Variants in SLC36A3 observed in about 807,000 individuals in gnomAD.
SLC36A3 encodes the protein solute carrier family 36 member 3.
Under a neutral mutation model 44.3 loss-of-function variants are expected in SLC36A3, and 35 were observed. The ratio of observed to expected loss-of-function variants is 0.79; its 90% CI spans 0.60 to 1.05. The LOEUF is 1.05. Among genes scored for constraint, SLC36A3 ranks in the 50% least tolerant of loss-of-function variants. The pLI, the probability that SLC36A3 is intolerant of heterozygous loss-of-function variation, is 0.00. For synonymous variants in SLC36A3, 211 were observed against 227.6 expected, an observed-to-expected ratio of 0.93 and a Z score of 0.66; for missense variants, 540 against 578.7, an observed-to-expected ratio of 0.93 and a Z score of 0.69.
intron 8 of SLC36A3, among the ~76,000 whole-genome samples, chr5:151,283,321 G>A (rs1754398484): frequency 1.3e-5 from 2 of 152,016 alleles, no homozygotes; most frequent in Admixed American, 1.3e-4. Context: ...AGGGATATTT[G>A]TTTAAGGCTT....
chr5:151,289,082 C>T (rs902363144), intron 4 of SLC36A3: 1 of 153,194 alleles, frequency 6.5e-6, no homozygotes, highest in South Asian at 2.1e-4. Context: ...AAGAAAAAGT[C>T]AATTGTAGGT....
rs373671 is a variant in SLC36A3 at position 151,287,634 on chromosome 5, A to T, written c.490-170T>A. Among the ~76,000 whole-genome samples, 3 of 152,186 alleles carry T rather than the reference A, an allele frequency of 2.0e-5. No homozygotes were observed. The East Asian group carries it at 5.8e-4, about 29-fold the overall frequency. ...ATCACTACTTATCTGAAATTCTATC[A>T]TAACTGGGTATCATATATTATTATT... On this transcript the variant is annotated intron_variant, in intron 5 of 9. Coordinates refer to ENST00000335230, the MANE Select transcript of SLC36A3 (RefSeq NM_181774.4).
chr5:151,299,264 C>CTCTCTCTATATA (rs1372309288), intron 1 of SLC36A3, among the ~76,000 whole-genome samples: 79 of 59,640 alleles, frequency 1.3e-3, no homozygotes, highest in Middle Eastern at 0.01. Flanking sequence ...CTCTCTCTCT[C>CTCTCTCTATATA]TATATATATA....
At chr5:151,301,965 T>C (rs1201706803) in intron 1 of SLC36A3, among the ~76,000 whole-genome samples, 1 of 152,240 alleles carries the variant, frequency 6.6e-6, no homozygotes, top group Non-Finnish European at 1.5e-5. Context: ...GGTATATTTA[T>C]TTATATTTCA....
In SLC36A3 at chr5:151,288,739, G is replaced by A. The variant is rs559384552; in HGVS notation, c.405-269C>T. On this transcript the variant is annotated intron_variant, in intron 4 of 9. Coordinates refer to ENST00000335230, the MANE Select transcript of SLC36A3 (RefSeq NM_181774.4). ...AATATATATGTATATATAGACGAAT[G>A]AATATTCGTCTATACACACACACAC... Among the ~76,000 whole-genome samples, 3 of 151,176 alleles carry A rather than the reference G, an allele frequency of 2.0e-5. No homozygotes were observed. The South Asian group carries it at 6.3e-4, about 32-fold the overall frequency.
In SLC36A3 at chr5:151,286,762, A is replaced by C. The variant is rs80246269; in HGVS notation, c.708+484T>G. Among the ~76,000 whole-genome samples the C allele has an allele frequency of 1.6e-3, 249 of 152,358 alleles. 7 individuals carry two copies. The East Asian group carries it at 0.044, about 27-fold the overall frequency. On this transcript the variant is annotated intron_variant, in intron 6 of 9. Coordinates refer to ENST00000335230, the MANE Select transcript of SLC36A3 (RefSeq NM_181774.4). ...TTCCAAAATAGTATTGCGAAGGTTC[A>C]ATAAGTTAATGTATGTAAATAATTT...
rs1359513290 is a variant in SLC36A3, at chr5:151,284,054, G to A, written c.964C>T (p.Pro322Ser). 2.5e-6 allele frequency: 4 copies of A among 1,610,412 alleles called. No homozygotes were observed. Among genetic ancestry groups the A allele is most frequent in the South Asian group, 2.2e-5 (2 of 90,298 alleles). Reference protein sequence around the residue: ...DTQASITLNLPNCWLYQSVKL... With the variant: ...DTQASITLNLSNCWLYQSVKL... ...GTGGGCAGGACATACCAGCAATTGG[G>A]CAAGTTGAGGGTGATGCTGGCCTGG... is the stretch of plus-strand genomic sequence containing the variant. The change falls in exon 8 of 10, where the codon CCC (proline) becomes TCC (serine). Residue 322 changes from proline (P) to serine (S), a missense_variant. Transcript: ENST00000335230.
intron 7 of SLC36A3, 128 bp from the exon 8 acceptor site, chr5:151,284,338 C>T: frequency 3.4e-6 from 3 of 877,484 alleles, no homozygotes; most frequent in Middle Eastern, 2.5e-4. Flanking sequence ...AGGGGACTCT[C>T]CACATGGCCA....
chr5:151,284,055 C>A lies in SLC36A3; in HGVS notation c.963G>T (p.Leu321Phe), dbSNP rs1424829650. 13 of 1,610,210 alleles carry A rather than the reference C, an allele frequency of 8.1e-6. No individual in the cohort carries two copies. Among genetic ancestry groups the A allele is most frequent in the Non-Finnish European group, 1.0e-5 (12 of 1,178,614 alleles). Reference protein sequence around the residue: ...SDTQASITLNLPNCWLYQSVK... With the variant: ...SDTQASITLNFPNCWLYQSVK... ...TGGGCAGGACATACCAGCAATTGGG[C>A]AAGTTGAGGGTGATGCTGGCCTGGG... The change falls in exon 8 of 10, where the codon TTG (leucine) becomes TTT (phenylalanine). Residue 321 changes from leucine to phenylalanine, a missense_variant. Coordinates refer to ENST00000335230, the MANE Select transcript of SLC36A3 (RefSeq NM_181774.4).
At chr5:151,296,126 A>G (rs1180756074) in intron 3 of SLC36A3, 54 bp downstream of exon 3, 12 of 1,554,984 alleles carry the variant, frequency 7.7e-6, no homozygotes, top group East Asian at 4.5e-5. Context: ...AAGAAGAGCA[A>G]CACACCCTCA....
Position 151,277,485 on chromosome 5 carries a change from A to G in SLC36A3, c.1321T>C (p.Leu441=), listed in dbSNP as rs1754133561. 1 of 1,614,182 alleles carries G rather than the reference A, an allele frequency of 6.2e-7. No individual in the cohort carries two copies. Among genetic ancestry groups the G allele is most frequent in the South Asian group, 1.1e-5 (1 of 91,082 alleles). ...TGGTATGTCCCAAATATACACCCTA[A>G]AAGGCCCACGATGCTAATCATGATG... ...KDIMISIVGL[L]GCIFGTYQAL... Residue 441 remains leucine (L), a synonymous_variant, in exon 10 of 10, where the codon TTA becomes CTA. Transcript: ENST00000335230.
At position 151,303,146 on chromosome 5, in the gene SLC36A3, T is replaced by C. The variant is rs781518984; in HGVS notation, c.128+81A>G. 415 of 1,500,458 alleles carry C rather than the reference T, an allele frequency of 2.8e-4. 1 individual carries two copies. Among genetic ancestry groups the C allele is most frequent in the Non-Finnish European group, 3.4e-4 (380 of 1,110,866 alleles). 92.9% of individuals were successfully genotyped at this position (1,500,458 alleles called of 1,614,324 possible). A position where few individuals can be genotyped will look rare whatever the true frequency, so the allele number is the denominator to read the frequency against. ...TAATGGAATAAGCGTGTTAAGGAGA[T>C]AGATGAAGGAAGACATAGTCCAGAG... is the stretch of plus-strand genomic sequence containing the variant. On this transcript the variant is annotated intron_variant, in intron 1 of 9. Coordinates refer to ENST00000335230, the MANE Select transcript of SLC36A3 (RefSeq NM_181774.4).
intron 8 of SLC36A3, 129 bp downstream of exon 8, chr5:151,283,915 G>A: frequency 8.3e-7 from 1 of 1,198,176 alleles, no homozygotes; most frequent in Non-Finnish European, 1.1e-6. Flanking sequence ...AGTGTGAGCA[G>A]GAGAGACATA....
chr5:151,282,886 C>CTTTTT (rs11362344), intron 8 of SLC36A3, among the ~76,000 whole-genome samples: 1 of 142,656 alleles, frequency 7.0e-6, no homozygotes, highest in African/African-American at 2.6e-5. Context: ...TTCTTTCTTT[C>CTTTTT]TTTTTTTTTT....
chr5:151,276,635 A>G lies in SLC36A3; in HGVS notation c.*758T>C, dbSNP rs1402915449. 6.6e-6 allele frequency: 1 copy of G among 152,166 alleles called. No individual in the cohort carries two copies. Among genetic ancestry groups the G allele is most frequent in the African/African-American group, 2.4e-5 (1 of 41,432 alleles). 9.4% of individuals were successfully genotyped at this position (152,166 alleles called of 1,614,324 possible). A position where few individuals can be genotyped will look rare whatever the true frequency, so the allele number is the denominator to read the frequency against. ...GGAATAGTTGGATCATATGGTAGGT[A>G]TATGTTTAAGTTTTAAAGAAACTAC... On this transcript the variant is annotated 3_prime_UTR_variant, in exon 10 of 10. Coordinates refer to ENST00000335230, the MANE Select transcript of SLC36A3 (RefSeq NM_181774.4).
intron 5 of SLC36A3, 135 bp from the exon 6 acceptor site, chr5:151,287,599 G>T: frequency 2.5e-6 from 2 of 813,046 alleles, no homozygotes; most frequent in Non-Finnish European, 1.9e-6. Flanking sequence ...CACGCTCATA[G>T]TAAAACAAAA....
chr5:151,303,644 C>T lies in SLC36A3; in HGVS notation c.-290G>A, dbSNP rs1755240709. ...CAATTGCTTGCCCAACCAGGACTTG[C>T]CTGGGCTTTTGGCCTCTCCTAGTTT... On this transcript the variant is annotated 5_prime_UTR_variant, in exon 1 of 10. Transcript: ENST00000335230. 3.0e-6 allele frequency: 1 copy of T among 335,160 alleles called. No individual in the cohort carries two copies. The highest frequency in any genetic ancestry group is 5.5e-6 in the Non-Finnish European group (1 of 182,392). 20.8% of individuals were successfully genotyped at this position (335,160 alleles called of 1,614,324 possible).
At chr5:151,288,552 A>C in intron 4 of SLC36A3, 82 bp from the exon 5 acceptor site, 1 of 1,076,132 alleles carries the variant, frequency 9.3e-7, no homozygotes, top group Non-Finnish European at 1.3e-6. Context: ...ATTTGAAACA[A>C]TTATTTTTGT....
Position 151,303,701 on chromosome 5 carries a change from T to A in SLC36A3, c.-347A>T, listed in dbSNP as rs1451688274. On this transcript the variant is annotated 5_prime_UTR_variant, in exon 1 of 10. Transcript: ENST00000335230. ...TGCTGCTGTAGGGCAAAGTGAACAGTGTGACTGGGAGGAAGAAGACACCAT... is the reference window on the plus strand; with the variant it reads ...TGCTGCTGTAGGGCAAAGTGAACAGAGTGACTGGGAGGAAGAAGACACCAT... 1 of 199,162 alleles carries A rather than the reference T, an allele frequency of 5.0e-6. No homozygotes were observed. The allele number at this position is 199,162 out of a possible 1,614,324, so 12.3% of individuals were successfully genotyped here.
Sources: allele counts gnomAD v4.1 joint callset (sites outside exome capture counted in the v4.1 genomes callset), GRCh38; gene constraint gnomAD v4.1.1; transcripts MANE v1.5; gene names NCBI Gene and HGNC (gene_info 2026-07-23, HGNC 2026-07-21).